NCAM2: variants seen among roughly 807,000 people sequenced by gnomAD.
NCAM2 encodes the protein neural cell adhesion molecule 2.
NCAM2 carries 30 observed loss-of-function variants against 98.1 expected under a neutral mutation model. The ratio of observed to expected loss-of-function variants is 0.31; its 90% CI spans 0.23 to 0.41. The LOEUF (loss-of-function observed/expected upper bound fraction) is 0.41, where lower values mean the gene tolerates loss of function less well. Ranked by LOEUF, NCAM2 falls within the 10% of genes least tolerant of loss-of-function variation. NCAM2 has a pLI of 1.00. For synonymous variants in NCAM2, 368 were observed against 342.4 expected (o/e 1.07, Z -0.83); for missense variants, 867 against 1,005.8 (o/e 0.86, Z 1.87).
intron 1 of NCAM2, among the ~76,000 whole-genome samples, chr21:21,020,160 C>T (rs998953781): frequency 2.6e-5 from 4 of 152,070 alleles, no homozygotes; most frequent in Admixed American, 6.6e-5. Flanking sequence ...CTCAGCCTCC[C>T]GAGTTGCCTG....
intron 1 of NCAM2, among the ~76,000 whole-genome samples, chr21:21,090,979 G>A (rs1331471144): frequency 6.6e-6 from 1 of 152,046 alleles, no homozygotes; most frequent in East Asian, 1.9e-4. Context: ...ACTACCATTG[G>A]ATGTCTGTAA....
chr21:21,137,739 GA>G, intron 1 of NCAM2, among the ~76,000 whole-genome samples: 2 of 152,334 alleles, frequency 1.3e-5, no homozygotes, highest in South Asian at 4.1e-4. Context: ...GCCTAGGCAA[GA>G]AGAGCGAAAC....
chr21:21,055,037 A>G (rs1288020385), intron 1 of NCAM2, among the ~76,000 whole-genome samples: 1 of 152,058 alleles, frequency 6.6e-6, no homozygotes, highest in African/African-American at 2.4e-5. Context: ...AAACTTAAAA[A>G]TATTAGCTAC....
chr21:21,530,752 C>T (rs1018874229), intron 16 of NCAM2, among the ~76,000 whole-genome samples: 1 of 151,762 alleles, frequency 6.6e-6, no homozygotes, highest in Admixed American at 6.6e-5. Flanking sequence ...TTTATTGTTA[C>T]ACTTTAGAAG....
At chr21:21,365,798 T>C (rs2075770841) in intron 8 of NCAM2, among the ~76,000 whole-genome samples, 1 of 152,070 alleles carries the variant, frequency 6.6e-6, no homozygotes, top group Admixed American at 6.6e-5. Flanking sequence ...TGGACGGGAT[T>C]AGTAGCATAG....
chr21:21,173,771 A>G (rs1031445173), intron 1 of NCAM2, among the ~76,000 whole-genome samples: 1 of 152,138 alleles, frequency 6.6e-6, no homozygotes, highest in Non-Finnish European at 1.5e-5. Context: ...TGCGCTGCAA[A>G]CTGTCATATA....
intron 1 of NCAM2, among the ~76,000 whole-genome samples, chr21:21,120,706 TA>T (rs1569043914): frequency 6.9e-6 from 1 of 143,982 alleles, no homozygotes; most frequent in Non-Finnish European, 1.5e-5. Flanking sequence ...GATGTTTATT[TA>T]TTTTTTTGTG....
chr21:21,380,474 G>T (rs2076130540), intron 9 of NCAM2, among the ~76,000 whole-genome samples: 1 of 152,106 alleles, frequency 6.6e-6, no homozygotes, highest in Non-Finnish European at 1.5e-5. Context: ...TTGGAAGTCA[G>T]AGGTCTGAAA....
intron 17 of NCAM2, among the ~76,000 whole-genome samples, 167 bp from the exon 18 acceptor site, chr21:21,537,679 C>G (rs1185342850): frequency 6.6e-6 from 1 of 151,912 alleles, no homozygotes; most frequent in African/African-American, 2.4e-5. Context: ...TTTTTCCTTT[C>G]TAATTATTGT....
chr21:21,174,209 C>T (rs1052651090), intron 1 of NCAM2, among the ~76,000 whole-genome samples: 4 of 152,114 alleles, frequency 2.6e-5, no homozygotes, highest in East Asian at 1.9e-4. Context: ...AGGTGTGAGC[C>T]GCTGCGCCTG....
chr21:21,538,837 T>C lies in NCAM2; in HGVS notation c.*880T>C, dbSNP rs1276134516. 1 of 152,102 alleles carries C rather than the reference T, an allele frequency of 6.6e-6. No homozygotes were observed. The highest frequency in any genetic ancestry group is 1.5e-5 in the Non-Finnish European group (1 of 67,980). The allele number at this position is 152,102 out of a possible 1,614,324, so 9.4% of individuals were successfully genotyped here. A position where few individuals can be genotyped will look rare whatever the true frequency, so the allele number is the denominator to read the frequency against. ...TATCATTTATTTTTAAAATAATTTATCAAAAAACAAGTCTTTAGTGTTCAA... is the reference window on the plus strand; with the variant it reads ...TATCATTTATTTTTAAAATAATTTACCAAAAAACAAGTCTTTAGTGTTCAA... On this transcript the variant is annotated 3_prime_UTR_variant, in exon 18 of 18. Transcript: ENST00000400546.
At chr21:21,433,790 T>TAAAATA (rs1403565391) in intron 12 of NCAM2, among the ~76,000 whole-genome samples, 2 of 135,886 alleles carry the variant, frequency 1.5e-5, no homozygotes, top group African/African-American at 2.7e-5. Flanking sequence ...TAAAATAAAA[T>TAAAATA]AAAATAAAAA....
chr21:21,303,360 C>T (rs187057870), intron 5 of NCAM2, among the ~76,000 whole-genome samples: 34 of 151,740 alleles, frequency 2.2e-4, no homozygotes, highest in Non-Finnish European at 4.0e-4. Flanking sequence ...GTCATATAAC[C>T]GTGCAATATG....
rs555828339 is a variant in NCAM2, at chr21:21,318,471, G to A, written c.620-5912G>A. Among the ~76,000 whole-genome samples, 41 of 152,062 alleles carry A rather than the reference G, an allele frequency of 2.7e-4. 1 individual carries two copies. The South Asian group carries it at 7.7e-3, about 29-fold the overall frequency. On this transcript the variant is annotated intron_variant, in intron 5 of 17. Coordinates refer to ENST00000400546, the MANE Select transcript of NCAM2 (RefSeq NM_004540.5). ...CCCTTTAGATTGGTGGTAAAATGTCGTAGACATCTAGTGATGGATTAGCTT... is the reference window on the plus strand; with the variant it reads ...CCCTTTAGATTGGTGGTAAAATGTCATAGACATCTAGTGATGGATTAGCTT...
intron 6 of NCAM2, among the ~76,000 whole-genome samples, chr21:21,325,786 A>G (rs921826078): frequency 1.3e-5 from 2 of 152,184 alleles, no homozygotes; most frequent in Non-Finnish European, 2.9e-5. Context: ...TATTTAACAG[A>G]TAAAGAAAGT....
chr21:21,076,494 T>C (rs1358604539), intron 1 of NCAM2, among the ~76,000 whole-genome samples: 2 of 152,200 alleles, frequency 1.3e-5, no homozygotes, highest in Admixed American at 6.5e-5. Flanking sequence ...TTTATAGTTC[T>C]GTCAGTTAGG....
At chr21:21,014,425 A>G (rs865999213) in intron 1 of NCAM2, among the ~76,000 whole-genome samples, 5 of 144,570 alleles carry the variant, frequency 3.5e-5, no homozygotes, top group African/African-American at 1.3e-4. Flanking sequence ...CTCCATCTCA[A>G]AAAAAAAAAA....
At chr21:21,412,819 AAG>A (rs2076914597) in intron 10 of NCAM2, among the ~76,000 whole-genome samples, 1 of 152,068 alleles carries the variant, frequency 6.6e-6, no homozygotes. Flanking sequence ...CAATAATATA[AAG>A]AGAAAGCAAC....
At chr21:21,483,197 C>T (rs540761834) in intron 15 of NCAM2, among the ~76,000 whole-genome samples, 1 of 152,086 alleles carries the variant, frequency 6.6e-6, no homozygotes, top group Admixed American at 6.5e-5. Context: ...GTAACTGCTT[C>T]CTTCTTTTCC....
Sources: allele counts gnomAD v4.1 joint callset (sites outside exome capture counted in the v4.1 genomes callset), GRCh38; gene constraint gnomAD v4.1.1; transcripts MANE v1.5; gene names NCBI Gene and HGNC (gene_info 2026-07-23, HGNC 2026-07-21).